The following ANKS1B variants were observed in gnomAD, a reference collection of about 807,000 sequenced individuals.
The protein encoded by ANKS1B is ankyrin repeat and sterile alpha motif domain containing 1B, also known as ankyrin repeat and sterile alpha motif domain-containing protein 1B.
Under a neutral mutation model 148.3 loss-of-function variants are expected in ANKS1B, and 36 were observed. That is an observed-to-expected ratio of 0.24 (90% CI 0.19 to 0.32). The LOEUF is 0.32. Ranked by LOEUF, ANKS1B falls within the 10% of genes least tolerant of loss-of-function variation. The pLI is 1.00. For synonymous variants in ANKS1B, 542 were observed against 560.8 expected (o/e 0.97, Z 0.47); for missense variants, 1,157 against 1,542.6 (o/e 0.75, Z 4.19).
chr12:99,494,371 T>C (rs186557439), intron 10 of ANKS1B, among the ~76,000 whole-genome samples: 20 of 152,298 alleles, frequency 1.3e-4, no homozygotes, highest in Middle Eastern at 3.4e-3. Context: ...TTTTCATTTA[T>C]TGTTTAGTTG....
At chr12:99,021,948 T>C (rs1210493915) in intron 17 of ANKS1B, among the ~76,000 whole-genome samples, 1 of 152,138 alleles carries the variant, frequency 6.6e-6, no homozygotes, top group Non-Finnish European at 1.5e-5. Context: ...ATCATTTGAG[T>C]TTTCTCTTCT....
At chr12:98,838,129 T>C (rs947993109) in intron 17 of ANKS1B, among the ~76,000 whole-genome samples, 1 of 152,222 alleles carries the variant, frequency 6.6e-6, no homozygotes, top group Non-Finnish European at 1.5e-5. Context: ...TATTATCACA[T>C]TATTGTTTCA....
At chr12:99,577,636 C>T (rs2097531337) in intron 9 of ANKS1B, among the ~76,000 whole-genome samples, 1 of 151,900 alleles carries the variant, frequency 6.6e-6, no homozygotes, top group African/African-American at 2.4e-5. Flanking sequence ...GTATAAATTC[C>T]TGGAAACATA....
intron 25 of ANKS1B, among the ~76,000 whole-genome samples, chr12:98,753,246 C>A (rs752822414): frequency 2.0e-5 from 3 of 152,154 alleles, no homozygotes; most frequent in Non-Finnish European, 4.4e-5. Flanking sequence ...TTCTTCCAAG[C>A]ACAGCTTCCC....
intron 1 of ANKS1B, among the ~76,000 whole-genome samples, chr12:99,866,711 A>C (rs908515711): frequency 6.6e-6 from 1 of 152,214 alleles, no homozygotes; most frequent in Non-Finnish European, 1.5e-5. Context: ...GTATGATACC[A>C]GTATTTGTTC....
In ANKS1B at chr12:99,244,044, A is replaced by G. The variant is rs957530429; in HGVS notation, c.2419+298T>C. Among the ~76,000 whole-genome samples, 93 of 151,930 alleles carry G rather than the reference A, an allele frequency of 6.1e-4. 4 individuals carry two copies. The highest frequency in any genetic ancestry group is 1.5e-5 in the Non-Finnish European group (1 of 67,988). On this transcript the variant is annotated intron_variant, in intron 14 of 26. Transcript: ENST00000683438. Reference sequence around the variant, plus strand: ...AATAAAAAAAAGACTTACAACCAACAGAGAGTTTGAAATATATTTAAATTA... The same window carrying G: ...AATAAAAAAAAGACTTACAACCAACGGAGAGTTTGAAATATATTTAAATTA...
intron 9 of ANKS1B, among the ~76,000 whole-genome samples, chr12:99,600,213 G>A (rs567835350): frequency 9.9e-5 from 15 of 152,048 alleles, no homozygotes; most frequent in African/African-American, 3.4e-4. Flanking sequence ...CCTGGTGCTA[G>A]GGACCTCATA....
At chr12:98,936,559 G>C (rs370594083) in intron 17 of ANKS1B, among the ~76,000 whole-genome samples, 1 of 151,996 alleles carries the variant, frequency 6.6e-6, no homozygotes, top group African/African-American at 2.4e-5. Flanking sequence ...CCCAGGAGGT[G>C]GAGGTTGCAG....
intron 9 of ANKS1B, among the ~76,000 whole-genome samples, chr12:99,515,773 C>T: frequency 6.6e-6 from 1 of 151,972 alleles, no homozygotes; most frequent in Admixed American, 6.6e-5. Context: ...TCCTCACATT[C>T]CCACCAACAG....
At chr12:99,474,853 A>G (rs917094740) in intron 10 of ANKS1B, among the ~76,000 whole-genome samples, 12 of 152,080 alleles carry the variant, frequency 7.9e-5, no homozygotes, top group African/African-American at 2.9e-4. Context: ...TCAAAGTGGG[A>G]AATTAAATAA....
rs185981788 is a variant in ANKS1B, at chr12:99,305,126, T to C, written c.1757-58262A>G. On this transcript the variant is annotated intron_variant, in intron 12 of 26. Coordinates refer to ENST00000683438, the MANE Select transcript of ANKS1B (RefSeq NM_001352186.2). ...GCAAGAGAGAGAGAGATGGGGGAGG[T>C]CCTAAATTCTTTTTAACAATCAGTT... Among the ~76,000 whole-genome samples the C allele has an allele frequency of 4.0e-5, 6 of 149,450 alleles. No individual in the cohort carries two copies. The East Asian group carries it at 1.0e-3, about 25-fold the overall frequency.
chr12:99,685,206 A>C (rs1170343998), intron 8 of ANKS1B, among the ~76,000 whole-genome samples: 1 of 152,224 alleles, frequency 6.6e-6, no homozygotes, highest in Non-Finnish European at 1.5e-5. Context: ...TAATATCCAG[A>C]ATCTACAAGG....
At chr12:99,517,601 C>T (rs1074588) in intron 9 of ANKS1B, among the ~76,000 whole-genome samples, 18,789 of 151,092 alleles carry the variant, frequency 0.12, 1,387 homozygotes, top group South Asian at 0.19. Context: ...TGGTGGTGGG[C>T]GCCTGTAATC....
intron 11 of ANKS1B, 75 bp from the exon 12 acceptor site, chr12:99,399,886 T>C (rs1376760932): frequency 1.3e-5 from 19 of 1,461,448 alleles, no homozygotes; most frequent in Non-Finnish European, 1.7e-5. Context: ...ATCAATTTAA[T>C]CTAAGTGATA....
chr12:99,183,118 T>C (rs1219714847), intron 14 of ANKS1B, among the ~76,000 whole-genome samples: 1 of 152,194 alleles, frequency 6.6e-6, no homozygotes, highest in Admixed American at 6.5e-5. Context: ...GGGTTATTAA[T>C]TATATGAAAT....
chr12:99,486,423 T>C (rs1308244848), intron 10 of ANKS1B, among the ~76,000 whole-genome samples: 1 of 152,114 alleles, frequency 6.6e-6, no homozygotes, highest in Non-Finnish European at 1.5e-5. Context: ...CAGAGGTCTC[T>C]TGATGCTTAT....
intron 1 of ANKS1B, among the ~76,000 whole-genome samples, chr12:99,950,846 C>T (rs2095201854): frequency 1.3e-5 from 2 of 152,126 alleles, no homozygotes; most frequent in Non-Finnish European, 2.9e-5. Flanking sequence ...GTCTGTTCTC[C>T]TGAATCCTAT....
At chr12:98,895,411 C>T in intron 17 of ANKS1B, 5 of 603,600 alleles carry the variant, frequency 8.3e-6, no homozygotes, top group Non-Finnish European at 1.0e-5. Context: ...GCAGTGGCAG[C>T]AGCCGCCACT....
At chr12:99,623,101 A>T (rs763124794) in intron 9 of ANKS1B, among the ~76,000 whole-genome samples, 4 of 152,060 alleles carry the variant, frequency 2.6e-5, no homozygotes, top group Non-Finnish European at 5.9e-5. Flanking sequence ...CTCAATATAT[A>T]TAAATCAATA....
Sources: gnomAD v4.1 joint callset for allele counts (sites outside exome capture counted in the v4.1 genomes callset) on GRCh38, gnomAD v4.1.1 for gene constraint, MANE v1.5 for transcripts, NCBI Gene and HGNC (gene_info 2026-07-23, HGNC 2026-07-21) for gene names.